SPOCK3: variants seen among roughly 807,000 people sequenced by gnomAD.
SPOCK3 encodes the protein SPARC (osteonectin), cwcv and kazal like domains proteoglycan 3, also known as testican-3.
SPOCK3 carries 30 observed loss-of-function variants against 56.6 expected under a neutral mutation model. That is an observed-to-expected ratio of 0.53 (90% confidence interval 0.40 to 0.72). The LOEUF (loss-of-function observed/expected upper bound fraction) is 0.72, where lower values mean the gene tolerates loss of function less well. Among genes scored for constraint, SPOCK3 ranks in the 30% least tolerant of loss-of-function variants. The pLI is 0.00. For missense variants in SPOCK3, 527 were observed against 530.0 expected, an observed-to-expected ratio of 0.99 and a Z score of 0.06; for synonymous variants, 196 against 183.3, an observed-to-expected ratio of 1.07 and a Z score of -0.56.
At chr4:167,062,828 T>C (rs1301333880) in intron 2 of SPOCK3, among the ~76,000 whole-genome samples, 1 of 151,884 alleles carries the variant, frequency 6.6e-6, no homozygotes, top group Non-Finnish European at 1.5e-5. Flanking sequence ...CTATTTTTGG[T>C]TGCCACTTCT....
intron 2 of SPOCK3, among the ~76,000 whole-genome samples, chr4:167,185,343 T>C (rs1055259599): frequency 6.6e-5 from 10 of 152,182 alleles, no homozygotes. Context: ...CATTGATAAA[T>C]TGGCAGCCAT....
intron 2 of SPOCK3, among the ~76,000 whole-genome samples, chr4:167,085,302 G>A (rs1758093466): frequency 6.6e-6 from 1 of 151,936 alleles, no homozygotes; most frequent in South Asian, 2.1e-4. Flanking sequence ...TGCCCAAACA[G>A]ACTTTTTTCC....
At chr4:167,197,516 C>T (rs1201926199) in intron 2 of SPOCK3, among the ~76,000 whole-genome samples, 4 of 151,514 alleles carry the variant, frequency 2.6e-5, no homozygotes, top group Non-Finnish European at 5.9e-5. Context: ...ATCTATAGTT[C>T]ATTAATTCTA....
intron 2 of SPOCK3, among the ~76,000 whole-genome samples, chr4:167,211,893 G>T (rs1393929617): frequency 6.6e-6 from 1 of 152,160 alleles, no homozygotes; most frequent in Non-Finnish European, 1.5e-5. Context: ...ATTTTCCTTT[G>T]CTGAGCTATG....
At chr4:167,013,272 C>A (rs1397595509) in intron 3 of SPOCK3, among the ~76,000 whole-genome samples, 1 of 151,738 alleles carries the variant, frequency 6.6e-6, no homozygotes, top group East Asian at 1.9e-4. Flanking sequence ...AATGAAAAAT[C>A]TAAATGCTAT....
At chr4:167,093,031 T>C (rs954068237) in intron 2 of SPOCK3, among the ~76,000 whole-genome samples, 14 of 152,194 alleles carry the variant, frequency 9.2e-5, no homozygotes, top group Non-Finnish European at 1.8e-4. Flanking sequence ...TAATTTTGAA[T>C]GATTAAGTGG....
chr4:167,187,613 AT>A (rs1242211292), intron 2 of SPOCK3, among the ~76,000 whole-genome samples: 3 of 151,556 alleles, frequency 2.0e-5, no homozygotes, highest in South Asian at 2.1e-4. Context: ...ATGCTGTTTA[AT>A]TTTTTTTCTT....
chr4:166,763,059 C>T (rs1482611213), intron 7 of SPOCK3, among the ~76,000 whole-genome samples: 1 of 151,630 alleles, frequency 6.6e-6, no homozygotes, highest in African/African-American at 2.4e-5. Flanking sequence ...GTACAATTAA[C>T]ATCAAGTAGC....
intron 2 of SPOCK3, among the ~76,000 whole-genome samples, chr4:167,192,633 GTTTC>G (rs917202968): frequency 6.9e-6 from 1 of 144,794 alleles, no homozygotes; most frequent in African/African-American, 2.6e-5. Flanking sequence ...AACTTGTACT[GTTTC>G]TTTCCTTCTG....
At chr4:166,746,151 C>T (rs985779733) in intron 8 of SPOCK3, among the ~76,000 whole-genome samples, 1 of 152,190 alleles carries the variant, frequency 6.6e-6, no homozygotes, top group Non-Finnish European at 1.5e-5. Context: ...TAGACATCTA[C>T]AGAACTCTTC....
At chr4:167,072,166 A>G (rs935441394) in intron 2 of SPOCK3, among the ~76,000 whole-genome samples, 1 of 152,038 alleles carries the variant, frequency 6.6e-6, no homozygotes, top group Non-Finnish European at 1.5e-5. Context: ...ATGATCTGCT[A>G]AAGTTTACAC....
intron 7 of SPOCK3, among the ~76,000 whole-genome samples, chr4:166,787,852 T>C: frequency 6.6e-6 from 1 of 152,192 alleles, no homozygotes; most frequent in East Asian, 1.9e-4. Flanking sequence ...GATGCAATTG[T>C]TAGCATTATA....
chr4:167,049,507 A>G (rs1197950383), intron 3 of SPOCK3, among the ~76,000 whole-genome samples: 21 of 152,104 alleles, frequency 1.4e-4, no homozygotes, highest in Admixed American at 1.4e-3. Flanking sequence ...CCTCTTTTTT[A>G]TATAGACCAT....
At chr4:167,209,602 C>T (rs1734669136) in intron 2 of SPOCK3, among the ~76,000 whole-genome samples, 2 of 151,990 alleles carry the variant, frequency 1.3e-5, no homozygotes, top group Non-Finnish European at 2.9e-5. Context: ...ACACATTTTC[C>T]TCAGTTCTCA....
At chr4:166,784,928 G>A (rs551150248) in intron 7 of SPOCK3, among the ~76,000 whole-genome samples, 4 of 152,012 alleles carry the variant, frequency 2.6e-5, no homozygotes, top group Non-Finnish European at 5.9e-5. Context: ...GGGAAAATTA[G>A]TACAATGTCA....
At chr4:166,953,410 G>T (rs1742949043) in intron 4 of SPOCK3, among the ~76,000 whole-genome samples, 1 of 151,426 alleles carries the variant, frequency 6.6e-6, no homozygotes, top group Admixed American at 6.6e-5. Flanking sequence ...AGTTAGAATG[G>T]CGATCATTAA....
intron 2 of SPOCK3, among the ~76,000 whole-genome samples, chr4:167,205,550 A>AT (rs1734205283): frequency 3.4e-5 from 2 of 58,700 alleles, no homozygotes; most frequent in East Asian, 9.8e-4. Flanking sequence ...TATATTATAT[A>AT]ATATATAATA....
At chr4:166,908,269 T>G (rs990610697) in intron 5 of SPOCK3, among the ~76,000 whole-genome samples, 6 of 140,032 alleles carry the variant, frequency 4.3e-5, no homozygotes, top group African/African-American at 1.4e-4. Context: ...CTAATGTTAT[T>G]GTTCACACAC....
At chr4:167,195,578 T>C (rs1732864017) in intron 2 of SPOCK3, among the ~76,000 whole-genome samples, 1 of 152,190 alleles carries the variant, frequency 6.6e-6, no homozygotes, top group Non-Finnish European at 1.5e-5. Context: ...TGAGACAGGC[T>C]AGAGCCAAGT....
Sources: gnomAD v4.1 joint callset for allele counts (sites outside exome capture counted in the v4.1 genomes callset) on GRCh38, gnomAD v4.1.1 for gene constraint, MANE v1.5 for transcripts, NCBI Gene and HGNC (gene_info 2026-07-23, HGNC 2026-07-21) for gene names.